Variants in PWP1 observed in about 807,000 individuals in gnomAD.
The protein encoded by PWP1 is periodic tryptophan protein 1 homolog.
In PWP1, 47 loss-of-function variants were observed where a neutral mutation model predicts 69.9. That is an observed-to-expected ratio of 0.67 (90% CI 0.53 to 0.86). The LOEUF is 0.86. Among genes scored for constraint, PWP1 ranks in the 40% least tolerant of loss-of-function variants. The pLI is 0.00. For missense variants in PWP1, 551 were observed against 608.8 expected, an observed-to-expected ratio of 0.91 and a Z score of 1.00; for synonymous variants, 222 against 208.2, an observed-to-expected ratio of 1.07 and a Z score of -0.57.
intron 1 of PWP1, among the ~76,000 whole-genome samples, chr12:107,687,216 GT>G (rs781276923): frequency 1.3e-5 from 2 of 152,164 alleles, no homozygotes; most frequent in African/African-American, 4.8e-5. Flanking sequence ...GGCACAGACT[GT>G]TTTATTTACT....
rs147995707 is a variant in PWP1, at chr12:107,690,123, T to G, written c.319+1321T>G. On this transcript the variant is annotated intron_variant, in intron 3 of 14. Transcript: ENST00000412830. ...CTACTCCCAAGTTATAAAATCAAAA[T>G]GTAGATGATCGGAAACAAAAATTAA... 5.1e-3 allele frequency among the ~76,000 whole-genome samples: 770 copies of G among 152,286 alleles called. 11 individuals are homozygous for G. Among genetic ancestry groups the G allele is most frequent in the African/African-American group, 0.018 (737 of 41,556 alleles).
rs1889903449 is a variant in PWP1, at chr12:107,709,600, G to T, written c.1290+368G>T. ...ACCGTAGCTATTAGGGTCAGTTTAT[G>T]TATCTTTATCTCTTTGCATAACTAG... On this transcript the variant is annotated intron_variant, in intron 13 of 14. Coordinates refer to ENST00000412830, the MANE Select transcript of PWP1 (RefSeq NM_007062.3). Among the ~76,000 whole-genome samples, 3 of 149,324 alleles carry T rather than the reference G, an allele frequency of 2.0e-5. No individual in the cohort carries two copies. The South Asian group carries it at 6.4e-4, about 32-fold the overall frequency.
chr12:107,686,041 G>A (rs1289396343), intron 1 of PWP1, 70 bp downstream of exon 1: 29 of 1,548,108 alleles, frequency 1.9e-5, no homozygotes, highest in Middle Eastern at 3.5e-4. Context: ...CCAGCTGGGG[G>A]AACGTGGACC....
chr12:107,709,447 A>G (rs1327962626), intron 13 of PWP1, among the ~76,000 whole-genome samples: 1 of 151,558 alleles, frequency 6.6e-6, no homozygotes, highest in Non-Finnish European at 1.5e-5. Flanking sequence ...TCCAACTCAC[A>G]TGATTAACAG....
rs751932602 is a variant in PWP1, at chr12:107,712,642, A to G, written c.*422A>G. 1.3e-5 allele frequency: 2 copies of G among 155,244 alleles called. No individual in the cohort carries two copies. Among genetic ancestry groups the G allele is most frequent in the Admixed American group, 1.3e-4 (2 of 15,584 alleles). The allele number at this position is 155,244 out of a possible 1,614,324, so 9.6% of individuals were successfully genotyped here. A position where few individuals can be genotyped will look rare whatever the true frequency, so the allele number is the denominator to read the frequency against. ...GGCCATGAACAGAGGCAAGTGCCCC[A>G]GAGACTCCACTTTCATTCCTAACTG... On this transcript the variant is annotated 3_prime_UTR_variant, in exon 15 of 15. Transcript: ENST00000412830.
chr12:107,693,670 A>G (rs2136274174), intron 5 of PWP1, among the ~76,000 whole-genome samples: 1 of 152,292 alleles, frequency 6.6e-6, no homozygotes, highest in Non-Finnish European at 1.5e-5. Context: ...GTTCTAGGCT[A>G]CAGTGAGCTG....
At chr12:107,711,338 G>C (rs1354623431) in intron 14 of PWP1, among the ~76,000 whole-genome samples, 3 of 152,156 alleles carry the variant, frequency 2.0e-5, no homozygotes, top group Non-Finnish European at 2.9e-5. Flanking sequence ...TGGGCGTTAG[G>C]GCCATTATGA....
chr12:107,712,937 GT>G lies in PWP1; in HGVS notation c.*718del, dbSNP rs1889988221. ...GTCTTCCTATTAAGTATGAGTTTTA[GT>G]AGGCATTAAAAATCGTAATTAGTTT... On this transcript the variant is annotated 3_prime_UTR_variant, in exon 15 of 15. Coordinates refer to ENST00000412830, the MANE Select transcript of PWP1 (RefSeq NM_007062.3). 6.6e-6 allele frequency: 1 copy of G among 152,174 alleles called. No homozygotes were observed. The highest frequency in any genetic ancestry group is 6.5e-5 in the Admixed American group (1 of 15,286). 9.4% of individuals were successfully genotyped at this position (152,174 alleles called of 1,614,324 possible).
chr12:107,708,406 C>T (rs1889871951), intron 11 of PWP1, among the ~76,000 whole-genome samples: 1 of 152,088 alleles, frequency 6.6e-6, no homozygotes, highest in African/African-American at 2.4e-5. Flanking sequence ...GGCTCTGTAT[C>T]TGTCTCTTAA....
chr12:107,692,392 T>A (rs1889497714), intron 3 of PWP1, among the ~76,000 whole-genome samples: 1 of 152,250 alleles, frequency 6.6e-6, no homozygotes, highest in African/African-American at 2.4e-5. Context: ...CTGTCATTTC[T>A]CAATTTTATT....
chr12:107,688,238 A>AT (rs1028391431), intron 1 of PWP1, among the ~76,000 whole-genome samples: 1 of 151,956 alleles, frequency 6.6e-6, no homozygotes, highest in African/African-American at 2.4e-5. Flanking sequence ...AATGAGCATG[A>AT]TTTTTGAAGT....
chr12:107,701,876 C>T (rs899935300), intron 8 of PWP1, among the ~76,000 whole-genome samples: 3 of 152,094 alleles, frequency 2.0e-5, no homozygotes, highest in African/African-American at 7.2e-5. Flanking sequence ...CAGGGTTTCA[C>T]CATGTAGGCC....
At chr12:107,702,623 T>C (rs550730699) in intron 8 of PWP1, among the ~76,000 whole-genome samples, 2 of 152,192 alleles carry the variant, frequency 1.3e-5, no homozygotes, top group Admixed American at 6.5e-5. Context: ...AAAAAAGTCA[T>C]CAGAGATTTT....
chr12:107,702,013 A>G (rs1889721575), intron 8 of PWP1, among the ~76,000 whole-genome samples: 1 of 152,052 alleles, frequency 6.6e-6, no homozygotes, highest in African/African-American at 2.4e-5. Context: ...TTGAACATTT[A>G]ATTACCTTAG....
chr12:107,712,029 C>A, intron 14 of PWP1, 82 bp from the exon 15 acceptor site: 1 of 1,163,628 alleles, frequency 8.6e-7, no homozygotes. Flanking sequence ...ACTAAGTGCA[C>A]AATTCTGCAT....
chr12:107,688,039 A>AAAAAAAAAG (rs1889405169), intron 1 of PWP1, among the ~76,000 whole-genome samples: 1 of 143,024 alleles, frequency 7.0e-6, no homozygotes, highest in Admixed American at 6.9e-5. Context: ...TCAAAAAAAA[A>AAAAAAAAAG]AAAAAAAAAA....
At chr12:107,712,006 C>T in intron 14 of PWP1, 105 bp from the exon 15 acceptor site, 2 of 832,598 alleles carry the variant, frequency 2.4e-6, no homozygotes, top group Non-Finnish European at 3.9e-6. Context: ...ACTCACTTTA[C>T]CATTTATAAA....
chr12:107,705,059 A>G (rs1889789794), intron 11 of PWP1, among the ~76,000 whole-genome samples: 1 of 151,962 alleles, frequency 6.6e-6, no homozygotes, highest in African/African-American at 2.4e-5. Flanking sequence ...GTTTTTTTTA[A>G]TGGCTAAATC....
intron 14 of PWP1, among the ~76,000 whole-genome samples, chr12:107,711,476 G>A (rs1369504788): frequency 6.6e-6 from 1 of 152,112 alleles, no homozygotes; most frequent in Non-Finnish European, 1.5e-5. Context: ...ATATAGCATG[G>A]TCTCAACAAA....
Sources: gnomAD v4.1 joint callset for allele counts (sites outside exome capture counted in the v4.1 genomes callset) on GRCh38, gnomAD v4.1.1 for gene constraint, MANE v1.5 for transcripts, NCBI Gene and HGNC (gene_info 2026-07-23, HGNC 2026-07-21) for gene names.